Variants in NKIRAS1 observed in about 807,000 individuals in gnomAD.
NKIRAS1 encodes NFKB inhibitor interacting Ras like 1.
A neutral mutation model predicts 19.8 loss-of-function variants in NKIRAS1; 16 were observed. The observed-to-expected ratio is 0.81, with a 90% CI of 0.55 to 1.23. The LOEUF (loss-of-function observed/expected upper bound fraction) is 1.23, where lower values mean the gene tolerates loss of function less well. Ranked by LOEUF, NKIRAS1 falls within the 50% of genes most tolerant of loss-of-function variation. The pLI, the probability that NKIRAS1 is intolerant of heterozygous loss-of-function variation, is 0.00. For missense variants in NKIRAS1, 184 were observed against 220.0 expected (o/e 0.84, Z 1.04); for synonymous variants, 88 against 79.0 (o/e 1.11, Z -0.61).
chr3:23,945,687 A>G (rs1327171164), intron 1 of NKIRAS1: 6 of 181,506 alleles, frequency 3.3e-5, no homozygotes, highest in East Asian at 1.9e-4. Context: ...GGGTGTCCCC[A>G]TGGCCGGTGG....
At chr3:23,903,301 G>C (rs535762812) in intron 3 of NKIRAS1, among the ~76,000 whole-genome samples, 1 of 152,204 alleles carries the variant, frequency 6.6e-6, no homozygotes, top group South Asian at 2.1e-4. Flanking sequence ...TTTTTGTATA[G>C]ATGGGGTTTC....
At chr3:23,939,519 G>A (rs1314818967) in intron 1 of NKIRAS1, among the ~76,000 whole-genome samples, 1 of 152,176 alleles carries the variant, frequency 6.6e-6, no homozygotes, top group Non-Finnish European at 1.5e-5. Flanking sequence ...CAAGTTGGGC[G>A]GATCATGAGG....
chr3:23,890,729 C>A lies in NKIRAS1; in HGVS notation c.*2366G>T. ...GGGTATTTCTATAACAGATATTATT[C>A]AGTCTTATTTCCTAAGATTTTGTTG... On this transcript the variant is annotated 3_prime_UTR_variant, in exon 5 of 5. Transcript: ENST00000425478. 1.2e-6 allele frequency: 1 copy of A among 820,794 alleles called. No individual in the cohort carries two copies. Among genetic ancestry groups the A allele is most frequent in the Non-Finnish European group, 1.8e-6 (1 of 563,886 alleles). The allele number at this position is 820,794 out of a possible 1,614,324, so 50.8% of individuals were successfully genotyped here.
chr3:23,904,734 A>C (rs766846676), intron 3 of NKIRAS1, among the ~76,000 whole-genome samples: 17 of 152,338 alleles, frequency 1.1e-4, no homozygotes, highest in Middle Eastern at 3.4e-3. Context: ...AGAAGCAAGA[A>C]GACAATAGAA....
intron 1 of NKIRAS1, among the ~76,000 whole-genome samples, chr3:23,944,412 C>T (rs1705572106): frequency 6.6e-6 from 1 of 152,154 alleles, no homozygotes; most frequent in African/African-American, 2.4e-5. Flanking sequence ...ACCATATCAT[C>T]TATTCATGCC....
At chr3:23,933,133 C>T (rs528481904) in intron 1 of NKIRAS1, among the ~76,000 whole-genome samples, 9 of 152,296 alleles carry the variant, frequency 5.9e-5, no homozygotes, top group African/African-American at 2.2e-4. Context: ...CCTACAGGAA[C>T]TGTTAAGATC....
upstream of NKIRAS1, chr3:23,920,002 A>C: frequency 2.0e-6 from 2 of 986,928 alleles, no homozygotes; most frequent in Non-Finnish European, 2.4e-6. Context: ...TTCACATAAA[A>C]GGTGAAAGCT....
Position 23,890,402 on chromosome 3 carries a change from T to G in NKIRAS1, c.*2693A>C, listed in dbSNP as rs1421401658. The G allele has an allele frequency of 2.0e-6, 2 of 995,926 alleles. No individual in the cohort carries two copies. Among genetic ancestry groups the G allele is most frequent in the African/African-American group, 1.7e-5 (1 of 60,584 alleles). The allele number at this position is 995,926 out of a possible 1,614,324, so 61.7% of individuals were successfully genotyped here. On this transcript the variant is annotated 3_prime_UTR_variant, in exon 5 of 5. Coordinates refer to ENST00000425478, the MANE Select transcript of NKIRAS1 (RefSeq NM_020345.4). The stretch of plus-strand genomic sequence containing the variant: ...TGGAGTGGTGTTTCGAAGATGGGTT[T>G]GATCACACATACTTTGTCGTACGTA...
chr3:23,924,248 T>G (rs1448215418), intron 1 of NKIRAS1: 2 of 152,212 alleles, frequency 1.3e-5, no homozygotes. Flanking sequence ...ATAAATAAAG[T>G]TGAGCATTAT....
In NKIRAS1 at chr3:23,890,597, C is replaced by T. The variant is rs761962721; in HGVS notation, c.*2498G>A. 151 of 1,612,400 alleles carry T rather than the reference C, an allele frequency of 9.4e-5. No homozygotes were observed. Among genetic ancestry groups the T allele is most frequent in the Non-Finnish European group, 1.1e-4 (126 of 1,179,406 alleles). The stretch of plus-strand genomic sequence containing the variant: ...TGGCCAGACAGTGGACCAAGAGATA[C>T]GCTACATAAATTGGGGTTTCACAAT... On this transcript the variant is annotated 3_prime_UTR_variant, in exon 5 of 5. Transcript: ENST00000425478.
chr3:23,937,693 TCTTA>T (rs1008822265), intron 1 of NKIRAS1, among the ~76,000 whole-genome samples: 11 of 152,186 alleles, frequency 7.2e-5, no homozygotes, highest in African/African-American at 2.4e-4. Context: ...TTATTTTCTT[TCTTA>T]CTTTTTAAAA....
At chr3:23,921,722 A>T, upstream of NKIRAS1, 1 of 641,846 alleles carries the variant, frequency 1.6e-6, no homozygotes. Context: ...CTACAGGCGC[A>T]CACTGCCATG....
Position 23,922,227 on chromosome 3 carries a change from A to G in NKIRAS1, c.-139-10777T>C, listed in dbSNP as rs538027612. 7.9e-5 allele frequency: 12 copies of G among 152,360 alleles called. No individual in the cohort carries two copies. The highest frequency in any genetic ancestry group is 2.9e-4 in the African/African-American group (12 of 41,566). The allele number at this position is 152,360 out of a possible 1,614,324, so 9.4% of individuals were successfully genotyped here. A position where few individuals can be genotyped will look rare whatever the true frequency, so the allele number is the denominator to read the frequency against. On this transcript the variant is annotated intron_variant, in intron 1 of 4. Coordinates refer to the NKIRAS1 transcript ENST00000421515. This position sits in a 1 kb window ranked among gnomAD's most constrained non-coding sequence, Gnocchi z 4.2. Reference sequence around the variant, plus strand: ...CCACTGCACTCCCATCTTGGGTGATAGAGCCAGAACTTGTCTCAAAAATAA... The same window carrying G: ...CCACTGCACTCCCATCTTGGGTGATGGAGCCAGAACTTGTCTCAAAAATAA...
chr3:23,896,132 C>T (rs1188373830), intron 4 of NKIRAS1, among the ~76,000 whole-genome samples: 2 of 35,392 alleles, frequency 5.7e-5, no homozygotes, highest in Non-Finnish European at 9.0e-5. Flanking sequence ...AAGACTCCAT[C>T]TCAAAAAAAA....
intron 1 of NKIRAS1, chr3:23,945,639 C>G: frequency 5.2e-6 from 6 of 1,152,170 alleles, no homozygotes; most frequent in Non-Finnish European, 6.5e-6. Flanking sequence ...GGAGGGAGCG[C>G]TCAGAGCCCG....
At chr3:23,919,022 G>T, upstream of NKIRAS1, 1 of 611,140 alleles carries the variant, frequency 1.6e-6, no homozygotes, top group Non-Finnish European at 2.9e-6. Context: ...GTTTTAGCAA[G>T]TCTACATTAT....
chr3:23,898,536 G>A (rs377063633), intron 4 of NKIRAS1, among the ~76,000 whole-genome samples: 85 of 151,644 alleles, frequency 5.6e-4, no homozygotes, highest in Admixed American at 3.0e-3. Context: ...TCTGCCTCCC[G>A]GGTTTCAAGC....
At chr3:23,928,129 TAC>T (rs1287657348) in intron 1 of NKIRAS1, among the ~76,000 whole-genome samples, 1 of 104,976 alleles carries the variant, frequency 9.5e-6, no homozygotes, top group Non-Finnish European at 1.9e-5. Flanking sequence ...CACACACACA[TAC>T]ACACACACAC....
intron 1 of NKIRAS1, among the ~76,000 whole-genome samples, chr3:23,943,017 A>C (rs1705535999): frequency 6.6e-6 from 1 of 152,134 alleles, no homozygotes; most frequent in Non-Finnish European, 1.5e-5. Context: ...AGTCTCCCAA[A>C]GTGCTGGGAT....
Sources: gnomAD v4.1 joint callset for allele counts (sites outside exome capture counted in the v4.1 genomes callset) on GRCh38, gnomAD v4.1.1 for gene constraint, Gnocchi (gnomAD v3.1) non-coding constraint, MANE v1.5 for transcripts, NCBI Gene and HGNC (gene_info 2026-07-23, HGNC 2026-07-21) for gene names.